The following XRCC5 variants were observed in gnomAD, a reference collection of about 807,000 sequenced individuals.
XRCC5 encodes the protein X-ray repair cross complementing 5.
XRCC5 carries 12 observed loss-of-function variants against 95.7 expected under a neutral mutation model. The observed-to-expected ratio is 0.13, with a 90% CI of 0.08 to 0.20. The LOEUF (loss-of-function observed/expected upper bound fraction) is 0.20, where lower values mean the gene tolerates loss of function less well. Ranked by LOEUF, XRCC5 falls within the 10% of genes least tolerant of loss-of-function variation. The pLI is 1.00. For synonymous variants in XRCC5, 281 were observed against 290.3 expected (o/e 0.97, Z 0.33); for missense variants, 595 against 873.9 (o/e 0.68, Z 4.02).
chr2:216,159,326 T>C (rs1688904315), intron 14 of XRCC5, among the ~76,000 whole-genome samples: 1 of 152,190 alleles, frequency 6.6e-6, no homozygotes, highest in African/African-American at 2.4e-5. Flanking sequence ...CTTTTGCAAT[T>C]AACTTGACCT....
chr2:216,174,914 A>C, intron 16 of XRCC5: 1 of 342,882 alleles, frequency 2.9e-6, no homozygotes. Flanking sequence ...CTGCTACCAT[A>C]TCCGTCACGT....
At position 216,205,383 on chromosome 2, in the gene XRCC5, G is replaced by A; in HGVS notation, c.*181G>A. ...GAATACACACATATATATTACAAGG[G>A]ATAATTTAGACCCCATACAAGTTTA... is the stretch of plus-strand genomic sequence containing the variant. On this transcript the variant is annotated 3_prime_UTR_variant, in exon 21 of 21. Coordinates refer to ENST00000392132, the MANE Select transcript of XRCC5 (RefSeq NM_021141.4). 6.1e-6 allele frequency: 4 copies of A among 658,880 alleles called. No individual in the cohort carries two copies. The highest frequency in any genetic ancestry group is 3.9e-5 in the South Asian group (2 of 51,676). The allele number at this position is 658,880 out of a possible 1,614,324, so 40.8% of individuals were successfully genotyped here.
At chr2:216,153,321 T>G (rs966041657) in intron 14 of XRCC5, among the ~76,000 whole-genome samples, 1 of 152,230 alleles carries the variant, frequency 6.6e-6, no homozygotes, top group Admixed American at 6.5e-5. Flanking sequence ...TTTCAATCTT[T>G]GGCAGCTCCC....
At chr2:216,160,690 A>T (rs36089644) in intron 15 of XRCC5, among the ~76,000 whole-genome samples, 94,457 of 151,444 alleles carry the variant, frequency 0.62, 30,515 homozygotes, top group African/African-American at 0.79. Flanking sequence ...TTAATTAATT[A>T]ATTTTTATAT....
intron 16 of XRCC5, among the ~76,000 whole-genome samples, chr2:216,179,823 C>T (rs985850366): frequency 2.0e-5 from 3 of 152,056 alleles, no homozygotes; most frequent in Admixed American, 6.6e-5. Context: ...TTTGAAGTAG[C>T]GAATGATCTG....
At chr2:216,138,047 A>G (rs1697116102) in intron 11 of XRCC5, 42 bp from the exon 12 acceptor site, 1 of 1,496,284 alleles carries the variant, frequency 6.7e-7, no homozygotes, top group East Asian at 2.3e-5. Flanking sequence ...TTTTTTCATT[A>G]ATTTCATCGT....
At chr2:216,120,072 C>T (rs1312771288) in intron 5 of XRCC5, among the ~76,000 whole-genome samples, 1 of 151,626 alleles carries the variant, frequency 6.6e-6, no homozygotes, top group East Asian at 2.0e-4. Context: ...TGTGAGTAGT[C>T]TTCTCTTAAG....
At chr2:216,178,779 C>CTAG (rs1574480797) in intron 16 of XRCC5, among the ~76,000 whole-genome samples, 1 of 152,128 alleles carries the variant, frequency 6.6e-6, no homozygotes, top group South Asian at 2.1e-4. Context: ...AAAGAGAGTT[C>CTAG]TAGACTGTCT....
rs143232624 is a variant in XRCC5 at position 216,187,861 on chromosome 2, T to TCTCTCTCTCTCTCCC, written c.1835-2363_1835-2362insTCTCTCTCTCTCCCC. Among the ~76,000 whole-genome samples the TCTCTCTCTCTCTCCC allele has an allele frequency of 5.4e-4, 63 of 116,224 alleles. 3 individuals carry two copies. Among genetic ancestry groups the TCTCTCTCTCTCTCCC allele is most frequent in the African/African-American group, 2.6e-3 (61 of 23,858 alleles). The allele number at this position is 116,224 out of a possible 152,430, so 76.2% of individuals were successfully genotyped here. A position where few individuals can be genotyped will look rare whatever the true frequency, so the allele number is the denominator to read the frequency against. On this transcript the variant is annotated intron_variant, in intron 16 of 20. Transcript: ENST00000392132. ...CTCTCTCTCTCTCTCTCTCTCTCTC[T>TCTCTCTCTCTCTCCC]CCCCGTCTCCCTGTCTCTCCCTCTC...
intron 16 of XRCC5, among the ~76,000 whole-genome samples, chr2:216,181,013 G>T (rs1446665145): frequency 6.6e-6 from 1 of 151,732 alleles, no homozygotes; most frequent in Non-Finnish European, 1.5e-5. Context: ...GGGTTTCTCT[G>T]TATTGGTCAG....
chr2:216,204,285 T>C, intron 19 of XRCC5, 37 bp from the exon 20 acceptor site: 1 of 1,612,804 alleles, frequency 6.2e-7, no homozygotes, highest in Non-Finnish European at 8.5e-7. Context: ...GGGGCAAAAA[T>C]ATCATTTTGG....
At chr2:216,115,408 G>A (rs1463721276) in intron 2 of XRCC5, among the ~76,000 whole-genome samples, 1 of 152,172 alleles carries the variant, frequency 6.6e-6, no homozygotes, top group African/African-American at 2.4e-5. Flanking sequence ...ATTTTGTCTA[G>A]GGCAAGATTA....
intron 3 of XRCC5, chr2:216,117,238 A>G (rs1696714314): frequency 5.4e-6 from 1 of 186,400 alleles, no homozygotes; most frequent in South Asian, 1.4e-4. Flanking sequence ...TTCTGGATGG[A>G]AGATGTTTTT....
intron 14 of XRCC5, among the ~76,000 whole-genome samples, chr2:216,154,920 AG>A (rs1357618555): frequency 1.3e-5 from 2 of 152,190 alleles, no homozygotes; most frequent in Non-Finnish European, 2.9e-5. Context: ...AACTATCTAG[AG>A]AAAACCATTT....
intron 14 of XRCC5, among the ~76,000 whole-genome samples, chr2:216,158,966 C>T (rs1396625874): frequency 6.6e-6 from 1 of 152,082 alleles, no homozygotes; most frequent in Non-Finnish European, 1.5e-5. Context: ...AAAAAAACAA[C>T]ACATTTAGAA....
In XRCC5 at chr2:216,205,563, T is replaced by G. The variant is rs1689927989; in HGVS notation, c.*361T>G. The G allele has an allele frequency of 4.5e-6, 1 of 223,644 alleles. No homozygotes were observed. Among genetic ancestry groups the G allele is most frequent in the South Asian group, 7.9e-5 (1 of 12,716 alleles). 13.9% of individuals were successfully genotyped at this position (223,644 alleles called of 1,614,324 possible). A position where few individuals can be genotyped will look rare whatever the true frequency, so the allele number is the denominator to read the frequency against. On this transcript the variant is annotated 3_prime_UTR_variant, in exon 21 of 21. Transcript: ENST00000392132. ...GTTGCAGCCCTTGTGATGTGATTAG[T>G]GTCTCATGTGGAACCATGGCATGGT...
chr2:216,134,268 G>T (rs927811231), intron 10 of XRCC5, among the ~76,000 whole-genome samples: 3 of 152,100 alleles, frequency 2.0e-5, no homozygotes, highest in Middle Eastern at 3.2e-3. Flanking sequence ...TTTTTGTATT[G>T]AGAATCTATA....
chr2:216,135,014 T>C (rs543551802), intron 10 of XRCC5, among the ~76,000 whole-genome samples: 5 of 152,322 alleles, frequency 3.3e-5, no homozygotes, highest in Admixed American at 1.3e-4. Flanking sequence ...TAAAGTAGCC[T>C]TTGAATTGAA....
intron 14 of XRCC5, among the ~76,000 whole-genome samples, chr2:216,149,404 C>T (rs1018386310): frequency 5.9e-5 from 9 of 152,116 alleles, no homozygotes; most frequent in African/African-American, 2.2e-4. Context: ...TTATGATGTG[C>T]ATTTCTTACA....
Sources: gnomAD v4.1 joint callset for allele counts (sites outside exome capture counted in the v4.1 genomes callset) on GRCh38, gnomAD v4.1.1 for gene constraint, MANE v1.5 for transcripts, NCBI Gene and HGNC (gene_info 2026-07-23, HGNC 2026-07-21) for gene names.